GALNT17: variants seen among roughly 807,000 people sequenced by gnomAD.
GALNT17 encodes the protein UDP-GalNAc:polypeptide N-acetylgalactosaminyltransferase-like 3.
GALNT17 carries 29 observed loss-of-function variants against 63.7 expected under a neutral mutation model. That is an observed-to-expected ratio of 0.46 (90% CI 0.34 to 0.62). The LOEUF is 0.62. Among genes scored for constraint, GALNT17 ranks in the 20% least tolerant of loss-of-function variants. The probability of loss-of-function intolerance (pLI) is 0.01; values close to 1 mark genes in which losing one functional copy is unlikely to be tolerated. For missense variants in GALNT17, 603 were observed against 799.6 expected, an observed-to-expected ratio of 0.75 and a Z score of 2.97; for synonymous variants, 305 against 318.3, an observed-to-expected ratio of 0.96 and a Z score of 0.45.
intron 2 of GALNT17, among the ~76,000 whole-genome samples, chr7:71,370,979 A>G: frequency 6.6e-6 from 1 of 152,128 alleles, no homozygotes; most frequent in East Asian, 1.9e-4. Context: ...GGTCCCCTTT[A>G]GTGGTATCTG....
intron 5 of GALNT17, among the ~76,000 whole-genome samples, chr7:71,488,356 G>A (rs77418203): frequency 6.6e-6 from 1 of 152,126 alleles, no homozygotes; most frequent in African/African-American, 2.4e-5. Context: ...GTACAGCGTA[G>A]TCCTTCCAGT....
intron 1 of GALNT17, among the ~76,000 whole-genome samples, chr7:71,274,505 C>G (rs998179349): frequency 6.6e-6 from 1 of 152,140 alleles, no homozygotes; most frequent in Non-Finnish European, 1.5e-5. Flanking sequence ...GTCTTGAAGT[C>G]CTGGCCTCAA....
intron 2 of GALNT17, among the ~76,000 whole-genome samples, chr7:71,348,476 G>A (rs1405596745): frequency 1.3e-5 from 2 of 152,168 alleles, no homozygotes; most frequent in Non-Finnish European, 2.9e-5. Flanking sequence ...TTCTGGACAA[G>A]TTTCAATGTC....
At chr7:71,361,299 AT>A in intron 2 of GALNT17, among the ~76,000 whole-genome samples, 1 of 152,186 alleles carries the variant, frequency 6.6e-6, no homozygotes, top group Non-Finnish European at 1.5e-5. Flanking sequence ...TATCAACAAC[AT>A]TTGAGTCTTG....
At chr7:71,697,468 A>C (rs1264874360) in intron 9 of GALNT17, among the ~76,000 whole-genome samples, 1 of 152,140 alleles carries the variant, frequency 6.6e-6, no homozygotes, top group African/African-American at 2.4e-5. Flanking sequence ...TCAAGTGCGC[A>C]AGTCTAGAAC....
chr7:71,517,857 A>C (rs1788469201), intron 5 of GALNT17, among the ~76,000 whole-genome samples: 1 of 152,178 alleles, frequency 6.6e-6, no homozygotes, highest in Admixed American at 6.5e-5. Flanking sequence ...GCCTGTGATG[A>C]AAGTTATGCA....
At chr7:71,422,782 C>T (rs1004132806) in intron 5 of GALNT17, among the ~76,000 whole-genome samples, 2 of 152,236 alleles carry the variant, frequency 1.3e-5, no homozygotes, top group African/African-American at 4.8e-5. Flanking sequence ...AGAGGGCTTT[C>T]TGTATCCTGG....
chr7:71,681,368 A>G lies in GALNT17; in HGVS notation c.1500+4062A>G, dbSNP rs151044873. ...CAGTTCCAGCAGGGACTAAGAAGCT[A>G]TGTCTTGGAATAGACCAAATGAAAA... is the stretch of plus-strand genomic sequence containing the variant. On this transcript the variant is annotated intron_variant, in intron 9 of 10. Coordinates refer to ENST00000333538, the MANE Select transcript of GALNT17 (RefSeq NM_022479.3). Among the ~76,000 whole-genome samples, 399 of 152,362 alleles carry G rather than the reference A, an allele frequency of 2.6e-3. 1 individual carries two copies. Among genetic ancestry groups the G allele is most frequent in the African/African-American group, 9.2e-3 (381 of 41,598 alleles).
rs1477273575 is a variant in GALNT17 at position 71,541,398 on chromosome 7, C to T, written c.963-29887C>T. On this transcript the variant is annotated intron_variant, in intron 5 of 10. Transcript: ENST00000333538. ...TGAAATCCCATCTCTACTAAAAATA[C>T]AAAAATTAGCCAGACATAGCAGCAG... Among the ~76,000 whole-genome samples the T allele has an allele frequency of 2.0e-5, 3 of 152,000 alleles. No homozygotes were observed. The East Asian group carries it at 5.8e-4, about 29-fold the overall frequency.
chr7:71,172,728 A>G (rs1435600012), intron 1 of GALNT17, among the ~76,000 whole-genome samples: 1 of 152,326 alleles, frequency 6.6e-6, no homozygotes. Context: ...CTGGATAGAT[A>G]TAAGTCCCCT....
At chr7:71,707,644 A>G (rs983574013) in intron 9 of GALNT17, among the ~76,000 whole-genome samples, 3 of 152,168 alleles carry the variant, frequency 2.0e-5, no homozygotes, top group Non-Finnish European at 4.4e-5. Context: ...TGCATCTCCT[A>G]TCAGCAGCTG....
At chr7:71,503,562 C>G (rs1489271998) in intron 5 of GALNT17, among the ~76,000 whole-genome samples, 1 of 152,078 alleles carries the variant, frequency 6.6e-6, no homozygotes. Flanking sequence ...AGCTCCTGAC[C>G]CATAGATCCA....
At chr7:71,518,548 C>T (rs998324287) in intron 5 of GALNT17, among the ~76,000 whole-genome samples, 1 of 152,180 alleles carries the variant, frequency 6.6e-6, no homozygotes, top group Non-Finnish European at 1.5e-5. Flanking sequence ...GCAGCAGTTA[C>T]TAAAATCAAT....
chr7:71,145,383 C>A (rs565865836), intron 1 of GALNT17, among the ~76,000 whole-genome samples: 10 of 152,262 alleles, frequency 6.6e-5, no homozygotes, highest in Admixed American at 1.3e-4. Context: ...GGAGTCCCAG[C>A]TACTCAGGAG....
At chr7:71,262,907 G>GT (rs1173546997) in intron 1 of GALNT17, among the ~76,000 whole-genome samples, 1 of 151,574 alleles carries the variant, frequency 6.6e-6, no homozygotes, top group Non-Finnish European at 1.5e-5. Context: ...TCTCAAACTC[G>GT]TAAGTTCAAG....
At chr7:71,138,739 C>T (rs1585831077) in intron 1 of GALNT17, among the ~76,000 whole-genome samples, 1 of 152,022 alleles carries the variant, frequency 6.6e-6, no homozygotes, top group South Asian at 2.1e-4. Flanking sequence ...TTTGGGAGGC[C>T]GAGGTGGGTG....
chr7:71,471,390 T>A (rs1435957307), intron 5 of GALNT17, among the ~76,000 whole-genome samples: 6 of 148,192 alleles, frequency 4.0e-5, no homozygotes, highest in Non-Finnish European at 1.5e-5. Context: ...GCTCAGCATT[T>A]TTTTTTTCCA....
Position 71,566,020 on chromosome 7 carries a change from T to TTTTG in GALNT17, c.963-5235_963-5232dup, listed in dbSNP as rs60365258. On this transcript the variant is annotated intron_variant, in intron 5 of 10. Coordinates refer to ENST00000333538, the MANE Select transcript of GALNT17 (RefSeq NM_022479.3). Reference sequence around the variant, plus strand: ...TACTAGGCCTGGCTAATTTTGTGGGTTTTGTTTGTTTGTTTGTTTGTTTGT... The same window carrying TTTTG: ...TACTAGGCCTGGCTAATTTTGTGGGTTTTGTTTGTTTGTTTGTTTGTTTGTTTGT... Among the ~76,000 whole-genome samples the TTTTG allele has an allele frequency of 4.5e-3, 672 of 150,212 alleles. 3 individuals are homozygous for TTTTG. Among genetic ancestry groups the TTTTG allele is most frequent in the African/African-American group, 8.1e-3 (330 of 40,820 alleles).
At chr7:71,461,058 G>C (rs1787443142) in intron 5 of GALNT17, among the ~76,000 whole-genome samples, 1 of 152,138 alleles carries the variant, frequency 6.6e-6, no homozygotes, top group South Asian at 2.1e-4. Context: ...ATTCAAGATG[G>C]AGCCGCTCTA....
Sources: allele counts gnomAD v4.1 joint callset (sites outside exome capture counted in the v4.1 genomes callset), GRCh38; gene constraint gnomAD v4.1.1; transcripts MANE v1.5; gene names NCBI Gene and HGNC (gene_info 2026-07-23, HGNC 2026-07-21).